TRAF3: variants seen among roughly 807,000 people sequenced by gnomAD.
TRAF3 encodes the protein TNF receptor associated factor 3.
TRAF3 carries 13 observed loss-of-function variants against 62.3 expected under a neutral mutation model. The ratio of observed to expected loss-of-function variants is 0.21; its 90% CI spans 0.14 to 0.33. The LOEUF (loss-of-function observed/expected upper bound fraction) is 0.33. Among genes scored for constraint, TRAF3 ranks in the 10% least tolerant of loss-of-function variants. TRAF3 has a pLI of 1.00. For synonymous variants in TRAF3, 269 were observed against 283.4 expected, an observed-to-expected ratio of 0.95 and a Z score of 0.51; for missense variants, 440 against 741.8, an observed-to-expected ratio of 0.59 and a Z score of 4.73.
intron 1 of TRAF3, among the ~76,000 whole-genome samples, chr14:102,781,186 C>T (rs1280354442): frequency 6.6e-6 from 1 of 152,192 alleles, no homozygotes; most frequent in African/African-American, 2.4e-5. Flanking sequence ...GGGCCCCCTC[C>T]CACTTTGTTT....
At chr14:102,798,226 CTT>C (rs77441587) in intron 1 of TRAF3, among the ~76,000 whole-genome samples, 9 of 144,276 alleles carry the variant, frequency 6.2e-5, no homozygotes, top group Admixed American at 7.0e-5. Flanking sequence ...TCAGAAAACC[CTT>C]TTTTTTTTTT....
intron 9 of TRAF3, among the ~76,000 whole-genome samples, chr14:102,891,815 A>G (rs1279389936): frequency 1.3e-5 from 2 of 152,070 alleles, no homozygotes; most frequent in Non-Finnish European, 2.9e-5. Context: ...AGACATGTGG[A>G]CTGTACCGCT....
intron 4 of TRAF3, among the ~76,000 whole-genome samples, 173 bp downstream of exon 4, chr14:102,872,141 T>A (rs564800492): frequency 2.0e-5 from 3 of 152,188 alleles, no homozygotes; most frequent in Non-Finnish European, 4.4e-5. Flanking sequence ...AGACAGTGGA[T>A]TCAGATCCAC....
intron 2 of TRAF3, among the ~76,000 whole-genome samples, chr14:102,836,342 T>C (rs985551573): frequency 6.6e-6 from 1 of 152,278 alleles, no homozygotes; most frequent in East Asian, 1.9e-4. Context: ...ATTTTATTAA[T>C]GTAGCCATTT....
At chr14:102,884,700 T>C (rs1889262018) in intron 6 of TRAF3, among the ~76,000 whole-genome samples, 1 of 151,258 alleles carries the variant, frequency 6.6e-6, no homozygotes, top group Non-Finnish European at 1.5e-5. Context: ...TAGTCCCAGC[T>C]CCTCCGGAGG....
chr14:102,798,358 G>A (rs1316863976), intron 1 of TRAF3, among the ~76,000 whole-genome samples: 1 of 151,674 alleles, frequency 6.6e-6, no homozygotes, highest in Non-Finnish European at 1.5e-5. Flanking sequence ...ACATTTTTTG[G>A]GCCAGGTACG....
At chr14:102,885,187 C>T (rs1221372308) in intron 6 of TRAF3, among the ~76,000 whole-genome samples, 1 of 152,208 alleles carries the variant, frequency 6.6e-6, no homozygotes, top group Non-Finnish European at 1.5e-5. Context: ...GGAGCAACCA[C>T]GTTCCGAGGA....
intron 1 of TRAF3, among the ~76,000 whole-genome samples, chr14:102,807,228 G>A (rs1375664180): frequency 1.3e-5 from 2 of 152,148 alleles, no homozygotes; most frequent in East Asian, 1.9e-4. Flanking sequence ...CATTCCTCCT[G>A]ATAAGGTCTT....
chr14:102,905,543 C>T lies in TRAF3; in HGVS notation c.1466C>T (p.Pro489Leu). The T allele has an allele frequency of 6.2e-7, 1 of 1,614,142 alleles. No individual in the cohort carries two copies. ...GAATATGATGCCCTGCTTCCTTGGCCGTTTAAGCAGAAAGTGACACTCATG... is the reference window on the plus strand; with the variant it reads ...GAATATGATGCCCTGCTTCCTTGGCTGTTTAAGCAGAAAGTGACACTCATG... The part of the protein sequence containing the change: ...RGEYDALLPW[P>L]FKQKVTLMLM... Residue 489 changes from proline (P) to leucine (L), a missense_variant, in exon 12 of 12, where the codon CCG becomes CTG. Pro to Leu is a moderately conservative substitution (Grantham distance 98). Around this residue, in one of 6 missense-constraint regions of TRAF3, gnomAD observed 59 missense variants for 120.9 expected, o/e 0.49. Transcript: ENST00000392745.
At chr14:102,896,558 C>A (rs748834648) in intron 9 of TRAF3, among the ~76,000 whole-genome samples, 1 of 152,150 alleles carries the variant, frequency 6.6e-6, no homozygotes, top group Non-Finnish European at 1.5e-5. Context: ...TACACACACA[C>A]GTTGGTATAA....
chr14:102,858,269 A>C (rs1297106207), intron 2 of TRAF3, among the ~76,000 whole-genome samples: 2 of 151,722 alleles, frequency 1.3e-5, no homozygotes, highest in East Asian at 3.9e-4. Context: ...CTCCTGCCTC[A>C]GCCTCCTGAG....
chr14:102,803,413 A>G (rs1237722575), intron 1 of TRAF3, among the ~76,000 whole-genome samples: 1 of 152,060 alleles, frequency 6.6e-6, no homozygotes, highest in African/African-American at 2.4e-5. Context: ...GGTCTTGGGC[A>G]GTTACCTTCC....
At chr14:102,875,261 C>T (rs1361732457) in intron 4 of TRAF3, among the ~76,000 whole-genome samples, 2 of 152,172 alleles carry the variant, frequency 1.3e-5, no homozygotes, top group African/African-American at 2.4e-5. Flanking sequence ...GTGCTGGCTC[C>T]CGGAAGGCCC....
chr14:102,828,234 C>T (rs1595337656), intron 1 of TRAF3, among the ~76,000 whole-genome samples: 1 of 152,322 alleles, frequency 6.6e-6, no homozygotes, highest in African/African-American at 2.4e-5. Flanking sequence ...AGTCTCTCTC[C>T]AGCGCTTTTG....
intron 7 of TRAF3, 122 bp downstream of exon 7, chr14:102,886,391 GACAA>G (rs958805540): frequency 9.3e-6 from 8 of 856,786 alleles, no homozygotes; most frequent in Middle Eastern, 6.9e-4. Flanking sequence ...GTGTATGGCA[GACAA>G]ACAAAAACCA....
chr14:102,886,175 TTC>T lies in TRAF3; in HGVS notation c.571-6_571-5del. The T allele has an allele frequency of 6.2e-7, 1 of 1,611,586 alleles. No homozygotes were observed. Among genetic ancestry groups the T allele is most frequent in the Non-Finnish European group, 8.5e-7 (1 of 1,178,362 alleles). On this transcript the variant is annotated splice_polypyrimidine_tract_variant and intron_variant, in intron 6 of 11. Transcript: ENST00000392745. ...TTGTGTGTTTAAAGTTGATAGTACT[TTC>T]TCTCTCTGTAGAAACACGAAGACAC...
At chr14:102,894,115 T>C (rs1423636700) in intron 9 of TRAF3, among the ~76,000 whole-genome samples, 2 of 152,062 alleles carry the variant, frequency 1.3e-5, no homozygotes, top group African/African-American at 4.8e-5. Flanking sequence ...TTGCCTGAGC[T>C]CGGGAGTTCG....
chr14:102,814,213 C>T (rs1220367700), intron 1 of TRAF3, among the ~76,000 whole-genome samples: 1 of 152,180 alleles, frequency 6.6e-6, no homozygotes, highest in Non-Finnish European at 1.5e-5. Flanking sequence ...TGTCAAAAAT[C>T]AGTTGGCTGT....
intron 1 of TRAF3, among the ~76,000 whole-genome samples, chr14:102,794,914 T>TA (rs1897987936): frequency 6.6e-6 from 1 of 152,260 alleles, no homozygotes; most frequent in Admixed American, 6.5e-5. Flanking sequence ...TTTGGGTCCA[T>TA]ACGTTTTTTC....
Sources: allele counts gnomAD v4.1 joint callset (sites outside exome capture counted in the v4.1 genomes callset), GRCh38; gene constraint gnomAD v4.1.1; regional missense constraint gnomAD v4.1.1; transcripts MANE v1.5; gene names NCBI Gene and HGNC (gene_info 2026-07-23, HGNC 2026-07-21).